The following NLRC5 variants were observed in gnomAD, a reference collection of about 807,000 sequenced individuals.
NLRC5 encodes the protein protein NLRC5.
A neutral mutation model predicts 206.9 loss-of-function variants in NLRC5; 114 were observed. The observed-to-expected ratio is 0.55, with a 90% CI of 0.47 to 0.64. NLRC5 has a LOEUF of 0.64. Among genes scored for constraint, NLRC5 ranks in the 30% least tolerant of loss-of-function variants. The pLI is 0.00. For synonymous variants in NLRC5, 952 were observed against 962.8 expected (o/e 0.99, Z 0.21); for missense variants, 2,008 against 2,305.5 (o/e 0.87, Z 2.64).
chr16:57,050,705 G>A (rs367716366), intron 23 of NLRC5, among the ~76,000 whole-genome samples: 7 of 152,260 alleles, frequency 4.6e-5, no homozygotes, highest in East Asian at 1.9e-4. Context: ...GGGTTCTGAC[G>A]AATTATCTGA....
chr16:57,048,515 A>C (rs1035606599), intron 23 of NLRC5, among the ~76,000 whole-genome samples: 4 of 151,560 alleles, frequency 2.6e-5, no homozygotes, highest in Non-Finnish European at 4.4e-5. Context: ...ATATAACCAC[A>C]AAACCATTAT....
chr16:57,037,380 G>C, intron 15 of NLRC5, 96 bp downstream of exon 15: 1 of 1,118,556 alleles, frequency 8.9e-7, no homozygotes, highest in Admixed American at 1.8e-5. Context: ...CTTGGGACGG[G>C]CAGAAGATGC....
chr16:57,061,867 A>T (rs905588781), intron 32 of NLRC5, 166 bp downstream of exon 32: 1 of 1,534,988 alleles, frequency 6.5e-7, no homozygotes, highest in East Asian at 2.4e-5. Flanking sequence ...CAGAGACTCC[A>T]CAAGGCACAC....
chr16:57,030,175 C>T, intron 10 of NLRC5, 91 bp downstream of exon 10: 2 of 1,054,670 alleles, frequency 1.9e-6, no homozygotes, highest in South Asian at 2.7e-5. Context: ...CCCTCGTCTG[C>T]AGGATAAATC....
In NLRC5 at chr16:57,033,343, G is replaced by A. The variant is rs186209348; in HGVS notation, c.2478-261G>A. On this transcript the variant is annotated intron_variant, in intron 11 of 48. Transcript: ENST00000688547. Reference sequence around the variant, plus strand: ...GTTTTAGAAAAGAGAAAAGGGAGCCGACTGCAGTGATTTGCCCAAGGCCAC... The same window carrying A: ...GTTTTAGAAAAGAGAAAAGGGAGCCAACTGCAGTGATTTGCCCAAGGCCAC... Among the ~76,000 whole-genome samples the A allele has an allele frequency of 1.7e-3, 261 of 152,306 alleles. 3 individuals are homozygous for A. The highest frequency in any genetic ancestry group is 5.8e-3 in the African/African-American group (240 of 41,564).
At chr16:57,021,174 A>T (rs1207211918) in intron 3 of NLRC5, 167 bp downstream of exon 3, 1 of 625,746 alleles carries the variant, frequency 1.6e-6, no homozygotes, top group East Asian at 2.8e-5. Flanking sequence ...AATGCGCCCA[A>T]ATCTGCTGGG....
intron 3 of NLRC5, 123 bp from the exon 4 acceptor site, chr16:57,022,133 T>G: frequency 1.5e-6 from 1 of 681,634 alleles, no homozygotes; most frequent in Non-Finnish European, 2.5e-6. Flanking sequence ...GAGTGTTCCA[T>G]TTAGTTCTCC....
At chr16:57,082,216 G>C (rs544871682) in intron 48 of NLRC5, among the ~76,000 whole-genome samples, 5 of 152,312 alleles carry the variant, frequency 3.3e-5, no homozygotes, top group African/African-American at 1.2e-4. Flanking sequence ...ATCTCCCAGG[G>C]AGGAAGGTTG....
At chr16:57,039,878 G>T in intron 16 of NLRC5, 29 bp downstream of exon 16, 1 of 1,586,042 alleles carries the variant, frequency 6.3e-7, no homozygotes, top group Non-Finnish European at 8.7e-7. Context: ...CCAACTCCAT[G>T]CTCAGTCAGG....
Position 57,037,266 on chromosome 16 carries a change from T to C in NLRC5, c.2783T>C (p.Leu928Pro). Residue 928 changes from leucine (L) to proline (P), a missense_variant, in exon 15 of 49, where the codon CTG (leucine) becomes CCG (proline). Physicochemically the swap from Leu to Pro is moderately conservative, Grantham distance 98. Coordinates refer to ENST00000688547, the MANE Select transcript of NLRC5 (RefSeq NM_001384950.1). ...AGGGCCGTGAGTGCGTGCTGGACCC[T>C]GGCAGAGCTGCACATCAGGTGGGAG... The part of the protein sequence containing the change: ...VLRAVSACWT[L>P]AELHISLQHK... 3.1e-6 allele frequency: 5 copies of C among 1,613,416 alleles called. No homozygotes were observed. Among genetic ancestry groups the C allele is most frequent in the Non-Finnish European group, 4.2e-6 (5 of 1,179,922 alleles).
At chr16:57,008,794 A>G (rs1313980750) in intron 1 of NLRC5, among the ~76,000 whole-genome samples, 3 of 152,196 alleles carry the variant, frequency 2.0e-5, no homozygotes, top group Non-Finnish European at 2.9e-5. Context: ...AAGAATAACA[A>G]ACAGCCTCAC....
intron 29 of NLRC5, 44 bp downstream of exon 29, chr16:57,059,105 A>G (rs759564375): frequency 8.7e-6 from 14 of 1,612,786 alleles, no homozygotes; most frequent in African/African-American, 1.3e-5. Flanking sequence ...CTGCTGGCCA[A>G]CAGGTGCCCC....
intron 1 of NLRC5, among the ~76,000 whole-genome samples, chr16:56,998,731 G>A (rs1194190363): frequency 6.6e-6 from 1 of 152,226 alleles, no homozygotes; most frequent in African/African-American, 2.4e-5. Flanking sequence ...ATATCATGTT[G>A]TGCATATCAT....
chr16:57,030,228 C>T (rs918634203), intron 10 of NLRC5, 144 bp downstream of exon 10: 2 of 653,694 alleles, frequency 3.1e-6, no homozygotes, highest in Non-Finnish European at 5.3e-6. Context: ...ACCTTCAGAA[C>T]CTAGCTCAGG....
At chr16:57,045,853 G>A (rs1311579052) in intron 21 of NLRC5, among the ~76,000 whole-genome samples, 1 of 152,246 alleles carries the variant, frequency 6.6e-6, no homozygotes. Context: ...CTCCATACAT[G>A]TCACTGCCCT....
intron 17 of NLRC5, among the ~76,000 whole-genome samples, chr16:57,041,164 G>A (rs570165943): frequency 3.9e-5 from 6 of 152,064 alleles, no homozygotes; most frequent in South Asian, 4.2e-4. Context: ...CTCTCTCATC[G>A]TGTATTTCTG....
chr16:57,066,383 C>A, intron 33 of NLRC5, 151 bp from the exon 34 acceptor site: 1 of 646,948 alleles, frequency 1.5e-6, no homozygotes, highest in Non-Finnish European at 2.8e-6. Context: ...CACGGAAGCA[C>A]CTACTTTCCA....
intron 1 of NLRC5, among the ~76,000 whole-genome samples, chr16:57,015,587 TA>T (rs1307686720): frequency 7.9e-6 from 1 of 126,692 alleles, no homozygotes; most frequent in Admixed American, 8.5e-5. Flanking sequence ...CCCTGTCTCT[TA>T]AAAAAATAAA....
intron 1 of NLRC5, among the ~76,000 whole-genome samples, chr16:57,011,876 A>T (rs1216998485): frequency 4.6e-5 from 7 of 152,196 alleles, no homozygotes; most frequent in African/African-American, 1.4e-4. Context: ...TTTCTACTGC[A>T]TTATTTTTAA....
Sources: gnomAD v4.1 joint callset for allele counts (sites outside exome capture counted in the v4.1 genomes callset) on GRCh38, gnomAD v4.1.1 for gene constraint, MANE v1.5 for transcripts, NCBI Gene and HGNC (gene_info 2026-07-23, HGNC 2026-07-21) for gene names.